HECTD2: variants seen among roughly 807,000 people sequenced by gnomAD.
HECTD2 encodes the protein probable E3 ubiquitin-protein ligase HECTD2.
Under a neutral mutation model 103.2 loss-of-function variants are expected in HECTD2, and 35 were observed. The observed-to-expected ratio is 0.34, with a 90% CI of 0.26 to 0.45. The LOEUF (loss-of-function observed/expected upper bound fraction) is 0.45, where lower values mean the gene tolerates loss of function less well. HECTD2 is among the 20% of genes least tolerant of loss of function. HECTD2 has a pLI of 1.00. For synonymous variants in HECTD2, 281 were observed against 329.9 expected (o/e 0.85, Z 1.61); for missense variants, 596 against 937.4 (o/e 0.64, Z 4.76).
At chr10:91,425,145 T>A in intron 1 of HECTD2, 136 bp from the exon 2 acceptor site, 1 of 662,338 alleles carries the variant, frequency 1.5e-6, no homozygotes. Context: ...AAAAGGTAAG[T>A]CAAATTTATA....
chr10:91,466,748 A>G (rs1589515170), intron 5 of HECTD2, among the ~76,000 whole-genome samples: 1 of 152,216 alleles, frequency 6.6e-6, no homozygotes, highest in South Asian at 2.1e-4. Flanking sequence ...ATTACCAAAA[A>G]TGTCCTTCCA....
At chr10:91,504,101 G>A (rs2133363805) in intron 20 of HECTD2, among the ~76,000 whole-genome samples, 1 of 152,142 alleles carries the variant, frequency 6.6e-6, no homozygotes, top group African/African-American at 2.4e-5. Flanking sequence ...AAACAGAAAG[G>A]ACATCCACAC....
At chr10:91,413,500 C>T (rs759513316) in intron 1 of HECTD2, among the ~76,000 whole-genome samples, 4 of 152,208 alleles carry the variant, frequency 2.6e-5, no homozygotes, top group Admixed American at 6.5e-5. Context: ...TTAAAGCCAT[C>T]ATTATCCAGG....
intron 1 of HECTD2, among the ~76,000 whole-genome samples, chr10:91,413,954 T>A (rs948476314): frequency 6.6e-6 from 1 of 152,228 alleles, no homozygotes; most frequent in East Asian, 1.9e-4. Flanking sequence ...GGGCTGATGA[T>A]GTGAATATTA....
At chr10:91,495,208 T>C (rs1017498825) in intron 14 of HECTD2, among the ~76,000 whole-genome samples, 1 of 151,416 alleles carries the variant, frequency 6.6e-6, no homozygotes, top group Non-Finnish European at 1.5e-5. Context: ...AGGTAAGGAG[T>C]TGGGAACTGA....
intron 2 of HECTD2, among the ~76,000 whole-genome samples, chr10:91,431,114 T>G (rs1172812041): frequency 6.6e-6 from 1 of 151,656 alleles, no homozygotes; most frequent in Admixed American, 6.6e-5. Flanking sequence ...GTCTGTAAAG[T>G]ATTTTATTTC....
At chr10:91,503,917 C>A (rs1488910045) in intron 20 of HECTD2, among the ~76,000 whole-genome samples, 4 of 152,222 alleles carry the variant, frequency 2.6e-5, no homozygotes, top group African/African-American at 7.2e-5. Flanking sequence ...TCCTAGTACG[C>A]AGCTGGAGAT....
chr10:91,450,733 A>G (rs1398184016), intron 2 of HECTD2, among the ~76,000 whole-genome samples: 2 of 152,196 alleles, frequency 1.3e-5, no homozygotes, highest in Admixed American at 1.3e-4. Flanking sequence ...CACTTCCCAA[A>G]AGAAGACATT....
intron 9 of HECTD2, among the ~76,000 whole-genome samples, 177 bp from the exon 10 acceptor site, chr10:91,485,003 A>G (rs1025224760): frequency 1.3e-5 from 2 of 151,962 alleles, no homozygotes; most frequent in African/African-American, 2.4e-5. Flanking sequence ...GCAAGAAACT[A>G]TTGGCTGCAT....
In HECTD2 at chr10:91,462,142, T is replaced by C. The variant is rs774321238; in HGVS notation, c.558T>C (p.Asn186=). 1 of 1,596,136 alleles carries C rather than the reference T, an allele frequency of 6.3e-7. No homozygotes were observed. The highest frequency in any genetic ancestry group is 1.1e-5 in the South Asian group (1 of 90,186). The change falls in exon 5 of 21, where the codon AAT becomes AAC. Residue 186 remains asparagine (N), a synonymous_variant. Transcript: ENST00000298068. ...ACACCATTGAAGACTCTGGGATTAATGCTAAATTTGTGAATGCTGTGTATG... is the reference window on the plus strand; with the variant it reads ...ACACCATTGAAGACTCTGGGATTAACGCTAAATTTGTGAATGCTGTGTATG... ...SFNTIEDSGI[N]AKFVNAVYDT... is the part of the protein sequence containing the mutation.
rs1417889197 is a variant in HECTD2, at chr10:91,513,669, C to A, written c.*1285C>A. The stretch of plus-strand genomic sequence containing the variant: ...CTACCATACTTTAACAGCTTTCCTT[C>A]AGAAAACTCTGAAGTTATATTTGCA... On this transcript the variant is annotated 3_prime_UTR_variant, in exon 21 of 21. Coordinates refer to ENST00000298068, the MANE Select transcript of HECTD2 (RefSeq NM_182765.6). The A allele has an allele frequency of 1.3e-5, 2 of 152,552 alleles. No individual in the cohort carries two copies. The highest frequency in any genetic ancestry group is 1.3e-4 in the Admixed American group (2 of 15,256). 9.4% of individuals were successfully genotyped at this position (152,552 alleles called of 1,614,324 possible).
chr10:91,509,910 T>C (rs533937834), intron 20 of HECTD2, among the ~76,000 whole-genome samples: 9 of 152,282 alleles, frequency 5.9e-5, no homozygotes, highest in Non-Finnish European at 1.0e-4. Context: ...AACCTGCACA[T>C]GTACCCCTGA....
chr10:91,463,462 G>A (rs998089732), intron 5 of HECTD2: 14 of 152,018 alleles, frequency 9.2e-5, no homozygotes, highest in Admixed American at 6.6e-5. Context: ...GTATTCAAGA[G>A]TCAACTGTAC....
In HECTD2 at chr10:91,415,046, T is replaced by A. The variant is rs116390178; in HGVS notation, c.138+4470T>A. ...GAGGCAATGAGTGCATCCACTAAGG[T>A]GGTGGCCACAGGACAGAGTGTAAGG... On this transcript the variant is annotated intron_variant, in intron 1 of 20. Transcript: ENST00000298068. Among the ~76,000 whole-genome samples, 878 of 152,240 alleles carry A rather than the reference T, an allele frequency of 5.8e-3. 7 individuals carry two copies. The highest frequency in any genetic ancestry group is 0.02 in the African/African-American group (843 of 41,540).
intron 5 of HECTD2, among the ~76,000 whole-genome samples, chr10:91,476,669 C>A (rs1174722599): frequency 6.6e-6 from 1 of 152,214 alleles, no homozygotes; most frequent in East Asian, 1.9e-4. Context: ...GAGATGCTTG[C>A]CCTATCCTGT....
At chr10:91,421,134 A>G (rs1330308923) in intron 1 of HECTD2, among the ~76,000 whole-genome samples, 1 of 151,926 alleles carries the variant, frequency 6.6e-6, no homozygotes, top group Non-Finnish European at 1.5e-5. Flanking sequence ...TTTATTTTGT[A>G]TAGTCCGTGC....
chr10:91,428,925 G>A (rs1295077642), intron 2 of HECTD2, among the ~76,000 whole-genome samples: 1 of 151,920 alleles, frequency 6.6e-6, no homozygotes, highest in Non-Finnish European at 1.5e-5. Context: ...TTGAATCGGA[G>A]TGGTGAGAGA....
At chr10:91,504,875 G>C (rs890550771) in intron 20 of HECTD2, among the ~76,000 whole-genome samples, 57 of 152,288 alleles carry the variant, frequency 3.7e-4, no homozygotes, top group Middle Eastern at 3.4e-3. Context: ...GGCAGCCAGA[G>C]AGAAAGGTCG....
chr10:91,483,110 GT>G, intron 8 of HECTD2, 34 bp downstream of exon 8: 1 of 925,314 alleles, frequency 1.1e-6, no homozygotes, highest in South Asian at 1.5e-5. Flanking sequence ...AACTTTTATA[GT>G]CTCACAGTTT....
Sources: allele counts gnomAD v4.1 joint callset (sites outside exome capture counted in the v4.1 genomes callset), GRCh38; gene constraint gnomAD v4.1.1; transcripts MANE v1.5; gene names NCBI Gene and HGNC (gene_info 2026-07-23, HGNC 2026-07-21).